The following CPQ variants were observed in gnomAD, a reference collection of about 807,000 sequenced individuals.
CPQ encodes the protein Ser-Met dipeptidase.
A neutral mutation model predicts 45.7 loss-of-function variants in CPQ; 37 were observed. That is an observed-to-expected ratio of 0.81 (90% CI 0.62 to 1.07). CPQ has a LOEUF of 1.07. Ranked by LOEUF, CPQ falls within the 50% of genes least tolerant of loss-of-function variation. CPQ has a pLI of 0.00. For missense variants in CPQ, 537 were observed against 572.9 expected (o/e 0.94, Z 0.64); for synonymous variants, 186 against 205.8 (o/e 0.90, Z 0.82).
chr8:97,066,588 A>G (rs948366117), intron 7 of CPQ, among the ~76,000 whole-genome samples: 1 of 152,198 alleles, frequency 6.6e-6, no homozygotes, highest in African/African-American at 2.4e-5. Context: ...AAATATTACT[A>G]CTAATATCCT....
At chr8:96,714,445 A>T (rs568291731) in intron 1 of CPQ, among the ~76,000 whole-genome samples, 1 of 152,034 alleles carries the variant, frequency 6.6e-6, no homozygotes, top group African/African-American at 2.4e-5. Context: ...TTTCCTCTGC[A>T]TTTTGTAATT....
chr8:97,030,464 T>C (rs868532897), intron 6 of CPQ, among the ~76,000 whole-genome samples: 2 of 152,168 alleles, frequency 1.3e-5, no homozygotes, highest in Non-Finnish European at 1.5e-5. Flanking sequence ...TGAATACAAT[T>C]ATTTACTGTA....
intron 1 of CPQ, among the ~76,000 whole-genome samples, chr8:96,722,086 A>G (rs1254756548): frequency 6.6e-6 from 1 of 152,166 alleles, no homozygotes; most frequent in Non-Finnish European, 1.5e-5. Context: ...AATAAGCTCT[A>G]TAAAGGCAGG....
At chr8:96,738,844 T>G (rs2130776494) in intron 1 of CPQ, among the ~76,000 whole-genome samples, 1 of 152,294 alleles carries the variant, frequency 6.6e-6, no homozygotes, top group African/African-American at 2.4e-5. Flanking sequence ...CCACATTTTC[T>G]TAATCCAGTC....
chr8:96,691,098 A>G (rs1809298360), intron 1 of CPQ, among the ~76,000 whole-genome samples: 1 of 148,220 alleles, frequency 6.7e-6, no homozygotes, highest in South Asian at 2.1e-4. Flanking sequence ...AAGAACAGAT[A>G]TTTATTCTTT....
At chr8:96,801,885 T>C (rs1445318149) in intron 2 of CPQ, among the ~76,000 whole-genome samples, 1 of 152,232 alleles carries the variant, frequency 6.6e-6, no homozygotes, top group Non-Finnish European at 1.5e-5. Flanking sequence ...TTGATAATTG[T>C]TATTGTGAAT....
intron 4 of CPQ, among the ~76,000 whole-genome samples, chr8:96,959,559 T>C (rs1011481563): frequency 1.3e-5 from 2 of 152,122 alleles, no homozygotes; most frequent in Admixed American, 1.3e-4. Context: ...ACTGCTGCAG[T>C]CCAAGCCTGG....
intron 6 of CPQ, among the ~76,000 whole-genome samples, chr8:97,054,527 T>TCC (rs1563567464): frequency 6.6e-6 from 1 of 152,172 alleles, no homozygotes; most frequent in African/African-American, 2.4e-5. Flanking sequence ...AACCTAACTG[T>TCC]CCATCAATAG....
intron 1 of CPQ, among the ~76,000 whole-genome samples, chr8:96,757,608 T>C (rs911306849): frequency 3.9e-5 from 6 of 151,934 alleles, no homozygotes; most frequent in African/African-American, 7.2e-5. Flanking sequence ...TTTCCTTATA[T>C]TTTCATATTT....
intron 6 of CPQ, among the ~76,000 whole-genome samples, chr8:97,035,808 C>T (rs575044052): frequency 4.6e-5 from 7 of 152,108 alleles, no homozygotes; most frequent in African/African-American, 1.2e-4. Flanking sequence ...CCAGGGTTCA[C>T]GCCATTCTCC....
intron 7 of CPQ, among the ~76,000 whole-genome samples, chr8:97,121,166 A>G (rs35612996): frequency 0.044 from 6,767 of 152,340 alleles, 209 homozygotes; most frequent in Non-Finnish European, 0.068. Context: ...GCTGAAATGT[A>G]GGAGCAAGAG....
At chr8:97,018,043 A>G (rs559363014) in intron 5 of CPQ, among the ~76,000 whole-genome samples, 2 of 152,314 alleles carry the variant, frequency 1.3e-5, no homozygotes, top group African/African-American at 2.4e-5. Context: ...TGAGAGACCC[A>G]TAGACAGTTC....
At chr8:96,664,818 C>T (rs569162816) in intron 1 of CPQ, among the ~76,000 whole-genome samples, 6 of 152,276 alleles carry the variant, frequency 3.9e-5, no homozygotes, top group African/African-American at 2.4e-5. Flanking sequence ...AGGCCCTTCA[C>T]TGGACAGGCA....
chr8:96,960,051 A>G (rs1813430606), intron 4 of CPQ, among the ~76,000 whole-genome samples: 1 of 152,210 alleles, frequency 6.6e-6, no homozygotes, highest in Non-Finnish European at 1.5e-5. Flanking sequence ...ATGAATATCT[A>G]TACAACTCAC....
At chr8:97,052,253 T>C (rs1586516268) in intron 6 of CPQ, among the ~76,000 whole-genome samples, 1 of 152,338 alleles carries the variant, frequency 6.6e-6, no homozygotes, top group East Asian at 1.9e-4. Flanking sequence ...ATTTTTTCAG[T>C]AATTGCTATA....
intron 6 of CPQ, among the ~76,000 whole-genome samples, chr8:97,063,621 A>C (rs1326400434): frequency 6.6e-6 from 1 of 152,092 alleles, no homozygotes; most frequent in African/African-American, 2.4e-5. Context: ...TTAAGTCTTT[A>C]ATCAATCTTT....
chr8:96,929,523 C>G (rs1035004045), intron 4 of CPQ, among the ~76,000 whole-genome samples: 1 of 152,124 alleles, frequency 6.6e-6, no homozygotes, highest in African/African-American at 2.4e-5. Flanking sequence ...TGTGATACCC[C>G]CTCCTGTTAC....
At chr8:96,762,750 G>A (rs188820579) in intron 1 of CPQ, among the ~76,000 whole-genome samples, 25 of 152,250 alleles carry the variant, frequency 1.6e-4, no homozygotes, top group South Asian at 1.4e-3. Context: ...TCAATGAACC[G>A]TAGTTTTAGT....
intron 4 of CPQ, among the ~76,000 whole-genome samples, chr8:96,885,710 A>C (rs189395534): frequency 3.9e-4 from 59 of 152,316 alleles, no homozygotes; most frequent in Admixed American, 8.5e-4. Flanking sequence ...AAAAGATGCC[A>C]ATAGGCCAGG....
Sources: gnomAD v4.1 joint callset for allele counts (sites outside exome capture counted in the v4.1 genomes callset) on GRCh38, gnomAD v4.1.1 for gene constraint, MANE v1.5 for transcripts, NCBI Gene and HGNC (gene_info 2026-07-23, HGNC 2026-07-21) for gene names.